UBL7: variants seen among roughly 807,000 people sequenced by gnomAD.
UBL7 encodes the protein ubiquitin-like protein 7.
UBL7 carries 21 observed loss-of-function variants against 41.7 expected under a neutral mutation model. That is an observed-to-expected ratio of 0.50 (90% CI 0.36 to 0.73). The LOEUF is 0.73. Among genes scored for constraint, UBL7 ranks in the 30% least tolerant of loss-of-function variants. UBL7 has a pLI of 0.00. For missense variants in UBL7, 403 were observed against 478.4 expected (o/e 0.84, Z 1.47); for synonymous variants, 157 against 186.9 (o/e 0.84, Z 1.31).
chr15:74,448,403 A>C, intron 10 of UBL7, 75 bp downstream of exon 10: 1 of 1,597,022 alleles, frequency 6.3e-7, no homozygotes, highest in Non-Finnish European at 8.5e-7. Context: ...AAGGACCGCC[A>C]GAGAGCAAAA....
At chr15:74,460,813 T>C (rs1193961342) in intron 1 of UBL7, 6 of 1,245,804 alleles carry the variant, frequency 4.8e-6, no homozygotes, top group Non-Finnish European at 6.2e-6. Context: ...GCTGTGAAGC[T>C]GCCTAGCAGA....
Position 74,449,283 on chromosome 15 carries a change from G to C in UBL7, c.785C>G (p.Ala262Gly). 1 of 1,613,682 alleles carries C rather than the reference G, an allele frequency of 6.2e-7. No individual in the cohort carries two copies. The highest frequency in any genetic ancestry group is 8.5e-7 in the Non-Finnish European group (1 of 1,179,852). ...RPASLGYSGA[A>G]GPRPITQSEL... The stretch of plus-strand genomic sequence containing the variant: ...ACTCTGGGTGATGGGCCGGGGCCCA[G>C]CAGCTCCACTGTACCCCAGGGAGGC... The change falls in exon 9 of 11, where the codon GCT (alanine) becomes GGT (glycine). Residue 262 changes from alanine to glycine, a missense_variant. Physicochemically the swap from Ala to Gly is moderately conservative, Grantham distance 60. Transcript: ENST00000395081.
intron 10 of UBL7, 96 bp downstream of exon 10, chr15:74,448,382 T>C: frequency 6.4e-7 from 1 of 1,560,696 alleles, no homozygotes; most frequent in Non-Finnish European, 8.7e-7. Flanking sequence ...GAATGAAGCA[T>C]GCCAGGTGTG....
rs868824002 is a variant in UBL7, at chr15:74,446,815, C to G, written c.1006-588G>C. Among the ~76,000 whole-genome samples, 3 of 152,190 alleles carry G rather than the reference C, an allele frequency of 2.0e-5. No individual in the cohort carries two copies. Among genetic ancestry groups the G allele is most frequent in the South Asian group, 2.1e-4 (1 of 4,832 alleles). On this transcript the variant is annotated intron_variant, in intron 10 of 10. Transcript: ENST00000395081. The surrounding 1 kb of genome is among the most constrained non-coding windows in gnomAD (Gnocchi z 4.1). Reference sequence around the variant, plus strand: ...GAGTTTCAGCCAAGAAAGCCCTTCCCTACTATAAGGATTTGAAGAAATTCA... The same window carrying G: ...GAGTTTCAGCCAAGAAAGCCCTTCCGTACTATAAGGATTTGAAGAAATTCA...
In UBL7 at chr15:74,461,107, C is replaced by A; in HGVS notation, c.-100G>T. ...GCTGCCCAGGGCCCCAGCGCCCTCA[C>A]CCGTCCCGCGGAAGGAACCCGGCCG... On this transcript the variant is annotated 5_prime_UTR_variant, in exon 1 of 11. Transcript: ENST00000395081. The A allele has an allele frequency of 1.0e-6, 1 of 999,240 alleles. No individual in the cohort carries two copies. The highest frequency in any genetic ancestry group is 1.2e-6 in the Non-Finnish European group (1 of 836,874). The allele number at this position is 999,240 out of a possible 1,614,324, so 61.9% of individuals were successfully genotyped here.
intron 9 of UBL7, 46 bp downstream of exon 9, chr15:74,449,139 TG>T: frequency 6.6e-7 from 1 of 1,510,276 alleles, no homozygotes; most frequent in South Asian, 1.3e-5. Flanking sequence ...CTGGGGAGCT[TG>T]TTCCTTGGGG....
chr15:74,456,662 T>G lies in UBL7; in HGVS notation c.194A>C (p.Tyr65Ser). Residue 65 changes from tyrosine (Y) to serine (S), a missense_variant, in exon 3 of 11, where the codon TAC (tyrosine) becomes TCC (serine). Physicochemically the swap from Tyr to Ser is moderately radical, Grantham distance 144. Coordinates refer to ENST00000395081, the MANE Select transcript of UBL7 (RefSeq NM_032907.5). ...GTCATCTTTTAGCTTCCGACCACAG[T>G]AGATCAGATCTAAAAAAAGAACTGT... is the stretch of plus-strand genomic sequence containing the variant. ...VPDPELIDLI[Y>S]CGRKLKDDQT... is the part of the protein sequence containing the mutation. 6.2e-7 allele frequency: 1 copy of G among 1,613,726 alleles called. No homozygotes were observed. The highest frequency in any genetic ancestry group is 1.1e-5 in the South Asian group (1 of 91,070).
chr15:74,455,818 C>A (rs150227352), intron 3 of UBL7, among the ~76,000 whole-genome samples: 3,596 of 152,134 alleles, frequency 0.024, 144 homozygotes, highest in African/African-American at 0.082. Context: ...GACACCCCGT[C>A]TCTACTAAAA....
chr15:74,458,815 G>T lies in UBL7; in HGVS notation c.53C>A (p.Thr18Asn). The stretch of plus-strand genomic sequence containing the variant: ...TGGCAACCGAAGAATAGACTTTGGA[G>T]TAAGTGGCTGGTCAGCCAGCTTCAC... ...LAVKLADQPL[T>N]PKSILRLPET... Residue 18 changes from threonine to asparagine, a missense_variant, in exon 2 of 11, where the codon ACT becomes AAT. By Grantham distance (65) the Thr-to-Asn change is moderately conservative (BLOSUM62 0). Transcript: ENST00000395081. 2 of 1,613,450 alleles carry T rather than the reference G, an allele frequency of 1.2e-6. No homozygotes were observed. Among genetic ancestry groups the T allele is most frequent in the Non-Finnish European group, 1.7e-6 (2 of 1,180,046 alleles).
rs796919603 is a variant in UBL7, at chr15:74,450,436, G to A, written c.530+366C>T. Among the ~76,000 whole-genome samples the A allele has an allele frequency of 5.9e-5, 9 of 152,068 alleles. No homozygotes were observed. The South Asian group carries it at 8.3e-4, about 14-fold the overall frequency. On this transcript the variant is annotated intron_variant, in intron 6 of 10. Transcript: ENST00000395081. ...TGGTCCCTTCTCTTCCCAGGGTGGG[G>A]CTGTTTTCTTCACTTGCAAAATGAG...
rs2061257158 is a variant in UBL7 at position 74,452,330 on chromosome 15, G to A, written c.353C>T (p.Thr118Ile). The change falls in exon 4 of 11, where the codon ACT (threonine) becomes ATT (isoleucine). Residue 118 changes from threonine (T) to isoleucine (I), a missense_variant. Physicochemically the swap from Thr to Ile is moderately conservative, Grantham distance 89. Transcript: ENST00000395081. ...GTAAGAGGAGCTGCTGTGCAGGGCA[G>A]TGTGCAACACCCGGAACTCTCTCAT... Reference protein sequence around the residue: ...AAMREFRVLHTALHSSSSYRE... With the variant: ...AAMREFRVLHIALHSSSSYRE... 1.3e-6 allele frequency: 2 copies of A among 1,561,044 alleles called. No homozygotes were observed. The highest frequency in any genetic ancestry group is 2.4e-5 in the East Asian group (1 of 42,256).
At position 74,458,741 on chromosome 15, in the gene UBL7, G is replaced by A. The variant is rs1333439297; in HGVS notation, c.127C>T (p.Leu43=). Residue 43 remains leucine, a synonymous_variant, in exon 2 of 11, where the codon CTG becomes TTG. Coordinates refer to ENST00000395081, the MANE Select transcript of UBL7 (RefSeq NM_032907.5). ...AGTTTGCCAGCAATAAGCTGCTTCA[G>A]AAATGAAATACTATAGCCCCCTAGC... The part of the protein sequence containing the change: ...YSLGGYSISF[L]KQLIAGKLQE... The A allele has an allele frequency of 6.2e-7, 1 of 1,613,982 alleles. No individual in the cohort carries two copies. Among genetic ancestry groups the A allele is most frequent in the Non-Finnish European group, 8.5e-7 (1 of 1,180,052 alleles).
At position 74,459,123 on chromosome 15, in the gene UBL7, G is replaced by A. The variant is rs897985668; in HGVS notation, c.-29-227C>T. On this transcript the variant is annotated intron_variant, in intron 1 of 10. Coordinates refer to ENST00000395081, the MANE Select transcript of UBL7 (RefSeq NM_032907.5). Reference sequence around the variant, plus strand: ...TCATCCCTAACGTGGACATAAAAACGCCATCCAATCTAATAGGAATGTTGT... The same window carrying A: ...TCATCCCTAACGTGGACATAAAAACACCATCCAATCTAATAGGAATGTTGT... The A allele has an allele frequency of 2.8e-5, 13 of 470,512 alleles. 1 individual carries two copies. Among genetic ancestry groups the A allele is most frequent in the South Asian group, 2.7e-4 (10 of 36,658 alleles). 29.1% of individuals were successfully genotyped at this position (470,512 alleles called of 1,614,324 possible).
chr15:74,447,235 T>G (rs1347674162), intron 10 of UBL7, among the ~76,000 whole-genome samples: 1 of 152,188 alleles, frequency 6.6e-6, no homozygotes, highest in Non-Finnish European at 1.5e-5. Context: ...CGTTACGACT[T>G]CATGGCCTTA....
In UBL7 at chr15:74,458,861, G is replaced by A; in HGVS notation, c.7C>T (p.Leu3Phe). 1 of 1,610,824 alleles carries A rather than the reference G, an allele frequency of 6.2e-7. No individual in the cohort carries two copies. The highest frequency in any genetic ancestry group is 8.5e-7 in the Non-Finnish European group (1 of 1,180,038). ...TTCACCGCCAGGTGCCAGTCTGAGA[G>A]AGACATCCTCTCTCTTTCGCGCTCT... is the stretch of plus-strand genomic sequence containing the variant. MS[L>F]SDWHLAVKLA... Residue 3 changes from leucine to phenylalanine, a missense_variant, in exon 2 of 11, where the codon CTC becomes TTC. Coordinates refer to ENST00000395081, the MANE Select transcript of UBL7 (RefSeq NM_032907.5).
At chr15:74,453,295 T>A (rs1448761954) in intron 3 of UBL7, among the ~76,000 whole-genome samples, 3 of 151,780 alleles carry the variant, frequency 2.0e-5, no homozygotes. Context: ...ATATGAAAAA[T>A]AAGAACCCCT....
chr15:74,452,271 G>T (rs1343105955), intron 4 of UBL7, 25 bp downstream of exon 4: 1 of 1,549,480 alleles, frequency 6.5e-7, no homozygotes. Context: ...TACAGTCCTG[G>T]CTGGGGGCCG....
intron 3 of UBL7, 71 bp downstream of exon 3, chr15:74,456,481 A>C (rs2061295488): frequency 6.3e-7 from 1 of 1,587,230 alleles, no homozygotes; most frequent in African/African-American, 1.3e-5. Flanking sequence ...CTTGTGCCTC[A>C]AGAACACACA....
chr15:74,446,375 G>T lies in UBL7; in HGVS notation c.1006-148C>A. On this transcript the variant is annotated intron_variant, in intron 10 of 10. Coordinates refer to ENST00000395081, the MANE Select transcript of UBL7 (RefSeq NM_032907.5). The surrounding 1 kb of genome is among the most constrained non-coding windows in gnomAD (Gnocchi z 4.1). ...AGTTCCACAGAACACGGTGCTTCTA[G>T]GAAGACTAAAAGATAGGCTTGAGGG... is the stretch of plus-strand genomic sequence containing the variant. 1 of 1,014,062 alleles carries T rather than the reference G, an allele frequency of 9.9e-7. No individual in the cohort carries two copies. The highest frequency in any genetic ancestry group is 1.4e-6 in the Non-Finnish European group (1 of 713,436). 62.8% of individuals were successfully genotyped at this position (1,014,062 alleles called of 1,614,324 possible).
Sources: gnomAD v4.1 joint callset for allele counts (sites outside exome capture counted in the v4.1 genomes callset) on GRCh38, gnomAD v4.1.1 for gene constraint, Gnocchi (gnomAD v3.1) non-coding constraint, MANE v1.5 for transcripts, NCBI Gene and HGNC (gene_info 2026-07-23, HGNC 2026-07-21) for gene names.